The following PSME4 variants were observed in gnomAD, a reference collection of about 807,000 sequenced individuals.
The protein encoded by PSME4 is proteasome activator complex subunit 4.
PSME4 carries 89 observed loss-of-function variants against 253.9 expected under a neutral mutation model. That is an observed-to-expected ratio of 0.35 (90% CI 0.30 to 0.42). The LOEUF is 0.42. Among genes scored for constraint, PSME4 ranks in the 10% least tolerant of loss-of-function variants. PSME4 has a pLI of 1.00. For synonymous variants in PSME4, 851 were observed against 759.2 expected (o/e 1.12, Z -1.99); for missense variants, 2,014 against 2,195.2 (o/e 0.92, Z 1.65).
chr2:53,940,851 T>TTA (rs553414542), intron 3 of PSME4, among the ~76,000 whole-genome samples: 2 of 138,914 alleles, frequency 1.4e-5, no homozygotes, highest in Non-Finnish European at 3.1e-5. Flanking sequence ...TCAAAAAAAT[T>TTA]TATATATATA....
At chr2:53,925,274 C>G (rs1326036335) in intron 14 of PSME4, among the ~76,000 whole-genome samples, 1 of 152,178 alleles carries the variant, frequency 6.6e-6, no homozygotes, top group Non-Finnish European at 1.5e-5. Flanking sequence ...GCTGAGAACA[C>G]ATGGCATATG....
intron 43 of PSME4, among the ~76,000 whole-genome samples, chr2:53,873,243 A>AAAAAAAAAAAAAAAAAAAAAAG (rs1553403170): frequency 6.6e-6 from 1 of 151,418 alleles, no homozygotes; most frequent in African/African-American, 2.4e-5. Context: ...CGTCTCAAAA[A>AAAAAAAAAAAAAAAAAAAAAAG]AAAAGAAAAA....
At position 53,885,975 on chromosome 2, in the gene PSME4, T is replaced by C. The variant is rs142041890; in HGVS notation, c.4730-200A>G. 2.8e-3 allele frequency among the ~76,000 whole-genome samples: 421 copies of C among 152,282 alleles called. 2 individuals carry two copies. The highest frequency in any genetic ancestry group is 9.5e-3 in the African/African-American group (393 of 41,546). On this transcript the variant is annotated intron_variant, in intron 40 of 46. Transcript: ENST00000404125. ...GCACCCAAAATAAAATTTAAAACTT[T>C]TGTGCATAAAAAGACATTATCCAGA...
intron 1 of PSME4, among the ~76,000 whole-genome samples, chr2:53,957,526 A>C (rs926486531): frequency 2.6e-5 from 4 of 152,146 alleles, no homozygotes; most frequent in African/African-American, 9.7e-5. Flanking sequence ...AAGACAATCT[A>C]ATGCCACCAC....
chr2:53,880,678 A>T (rs1188367333), intron 41 of PSME4, among the ~76,000 whole-genome samples: 1 of 152,258 alleles, frequency 6.6e-6, no homozygotes, highest in African/African-American at 2.4e-5. Context: ...AGTAATTGTT[A>T]TTCATAAAAC....
At chr2:53,886,477 G>A (rs1465218708) in intron 40 of PSME4, among the ~76,000 whole-genome samples, 2 of 152,186 alleles carry the variant, frequency 1.3e-5, no homozygotes, top group African/African-American at 4.8e-5. Flanking sequence ...GTAATCATTA[G>A]GGAAATGCAA....
intron 38 of PSME4, 76 bp downstream of exon 38, chr2:53,888,645 C>G: frequency 1.0e-6 from 1 of 998,462 alleles, no homozygotes; most frequent in Non-Finnish European, 1.6e-6. Context: ...CAAGTATAGA[C>G]CATTCATTTC....
In PSME4 at chr2:53,970,572, C is replaced by G; in HGVS notation, c.213G>C (p.Gly71=). 1 of 1,548,390 alleles carries G rather than the reference C, an allele frequency of 6.5e-7. No homozygotes were observed. The highest frequency in any genetic ancestry group is 8.7e-7 in the Non-Finnish European group (1 of 1,146,796). Residue 71 remains glycine, a synonymous_variant, in exon 1 of 47, where the codon GGG becomes GGC. Transcript: ENST00000404125. Reference sequence around the variant, plus strand: ...AGAGTTTCCTGGTCCAGAAGAGGCCCCCGGGCCACAGCTCTTGGAGCTGCA... The same window carrying G: ...AGAGTTTCCTGGTCCAGAAGAGGCCGCCGGGCCACAGCTCTTGGAGCTGCA... ...RAVQLQELWP[G]GLFWTRKLST... is the part of the protein sequence containing the mutation.
At chr2:53,915,685 C>T (rs1409598988) in intron 20 of PSME4, among the ~76,000 whole-genome samples, 4 of 151,782 alleles carry the variant, frequency 2.6e-5, no homozygotes, top group East Asian at 1.9e-4. Flanking sequence ...AATACACACA[C>T]GGCAATCTTA....
At chr2:53,929,926 G>A (rs1668743684) in intron 10 of PSME4, among the ~76,000 whole-genome samples, 1 of 151,970 alleles carries the variant, frequency 6.6e-6, no homozygotes, top group Admixed American at 6.6e-5. Context: ...GCTGAGACAG[G>A]AGAATCGCTT....
Position 53,880,922 on chromosome 2 carries a change from T to C in PSME4, c.4815+4768A>G, listed in dbSNP as rs943361239. On this transcript the variant is annotated intron_variant, in intron 41 of 46. Transcript: ENST00000404125. Reference sequence around the variant, plus strand: ...TATAAAAAAGAAGATATTCATTTACTGGCAAGGTCTATTACCACCAGAATT... The same window carrying C: ...TATAAAAAAGAAGATATTCATTTACCGGCAAGGTCTATTACCACCAGAATT... Among the ~76,000 whole-genome samples, 6 of 152,174 alleles carry C rather than the reference T, an allele frequency of 3.9e-5. No homozygotes were observed. The East Asian group carries it at 9.6e-4, about 24-fold the overall frequency.
At chr2:53,876,237 A>G (rs990749609) in intron 41 of PSME4, among the ~76,000 whole-genome samples, 10 of 152,142 alleles carry the variant, frequency 6.6e-5, no homozygotes, top group African/African-American at 2.4e-4. Flanking sequence ...ATGTTTCATA[A>G]ATCTCTTTCA....
Position 53,887,395 on chromosome 2 carries a change from A to T in PSME4, c.4593T>A (p.Pro1531=). The T allele has an allele frequency of 6.2e-7, 1 of 1,613,954 alleles. No individual in the cohort carries two copies. The highest frequency in any genetic ancestry group is 8.5e-7 in the Non-Finnish European group (1 of 1,179,824). The change falls in exon 40 of 47, where the codon CCT becomes CCA. Residue 1531 remains proline, a synonymous_variant. Coordinates refer to ENST00000404125, the MANE Select transcript of PSME4 (RefSeq NM_014614.3). Reference sequence around the variant, plus strand: ...TCTCCAGAATTCGAGCAGTAAACTCAGGGACATGAGGCGATATGGTTGGTG... The same window carrying T: ...TCTCCAGAATTCGAGCAGTAAACTCTGGGACATGAGGCGATATGGTTGGTG... The part of the protein sequence containing the change: ...NTTPTISPHV[P]EFTARILEKL...
intron 10 of PSME4, among the ~76,000 whole-genome samples, chr2:53,931,331 A>G (rs1454448959): frequency 6.6e-6 from 1 of 152,218 alleles, no homozygotes; most frequent in Non-Finnish European, 1.5e-5. Context: ...ATTCTGTGAC[A>G]GTGGCTAGGC....
In PSME4 at chr2:53,932,769, A is replaced by T. The variant is rs1668900523; in HGVS notation, c.958-9T>A. The T allele has an allele frequency of 1.2e-6, 2 of 1,605,768 alleles. No homozygotes were observed. The highest frequency in any genetic ancestry group is 3.3e-5 in the Admixed American group (2 of 59,978). On this transcript the variant is annotated splice_polypyrimidine_tract_variant and intron_variant, in intron 8 of 46. Coordinates refer to ENST00000404125, the MANE Select transcript of PSME4 (RefSeq NM_014614.3). ...AGCTTACTTGGTCCACCCTGTCCAG[A>T]TAAAAGAGTAAAAATGTCAGTACCC... is the stretch of plus-strand genomic sequence containing the variant.
intron 1 of PSME4, among the ~76,000 whole-genome samples, chr2:53,964,005 A>C (rs974128867): frequency 6.6e-6 from 1 of 152,286 alleles, no homozygotes; most frequent in Non-Finnish European, 1.5e-5. Context: ...TGAATATTTG[A>C]TATTTTTCAT....
intron 27 of PSME4, among the ~76,000 whole-genome samples, chr2:53,901,866 T>C (rs1392314377): frequency 1.3e-5 from 2 of 152,110 alleles, no homozygotes; most frequent in East Asian, 1.9e-4. Flanking sequence ...GCTCAGGAGT[T>C]TGAGAGCCTG....
chr2:53,880,598 T>G (rs1222067191), intron 41 of PSME4, among the ~76,000 whole-genome samples: 1 of 152,218 alleles, frequency 6.6e-6, no homozygotes, highest in Non-Finnish European at 1.5e-5. Context: ...AAAGAGGCAA[T>G]TTTGTGTAAT....
chr2:53,896,073 T>A, intron 32 of PSME4, among the ~76,000 whole-genome samples: 1 of 148,602 alleles, frequency 6.7e-6, no homozygotes, highest in Non-Finnish European at 1.5e-5. Flanking sequence ...AATTCCCACA[T>A]CTTTTACTGA....
Sources: gnomAD v4.1 joint callset for allele counts (sites outside exome capture counted in the v4.1 genomes callset) on GRCh38, gnomAD v4.1.1 for gene constraint, MANE v1.5 for transcripts, NCBI Gene and HGNC (gene_info 2026-07-23, HGNC 2026-07-21) for gene names.